Variants in SLC24A2 observed in about 807,000 individuals in gnomAD.
SLC24A2 encodes sodium/potassium/calcium exchanger 2.
In SLC24A2, 36 loss-of-function variants were observed where a neutral mutation model predicts 62.0. That is an observed-to-expected ratio of 0.58 (90% CI 0.44 to 0.77). The LOEUF (loss-of-function observed/expected upper bound fraction) is 0.77, where lower values mean the gene tolerates loss of function less well. Among genes scored for constraint, SLC24A2 ranks in the 30% least tolerant of loss-of-function variants. The pLI, the probability that SLC24A2 is intolerant of heterozygous loss-of-function variation, is 0.00. For missense variants in SLC24A2, 846 were observed against 817.9 expected, an observed-to-expected ratio of 1.03 and a Z score of -0.42; for synonymous variants, 358 against 294.0, an observed-to-expected ratio of 1.22 and a Z score of -2.23.
the SLC24A2 span, among the ~76,000 whole-genome samples, chr9:20,011,942 T>C: frequency 3.3e-5 from 5 of 152,184 alleles, no homozygotes; most frequent in Non-Finnish European, 7.4e-5. Flanking sequence ...ATAAAAATCA[T>C]ATGATCACCT....
At chr9:20,080,214 T>C in the SLC24A2 span, among the ~76,000 whole-genome samples, 1 of 152,256 alleles carries the variant, frequency 6.6e-6, no homozygotes, top group Non-Finnish European at 1.5e-5. Context: ...TCAGGCTACC[T>C]GACTTCAAAC....
the SLC24A2 span, among the ~76,000 whole-genome samples, chr9:20,067,099 A>C: frequency 6.6e-6 from 1 of 152,216 alleles, no homozygotes. Context: ...TCTTTTTATT[A>C]AACAGATGTT....
At chr9:20,053,454 C>T in the SLC24A2 span, among the ~76,000 whole-genome samples, 1 of 152,146 alleles carries the variant, frequency 6.6e-6, no homozygotes, top group East Asian at 1.9e-4. Context: ...CTCTGTTTTA[C>T]TTTATTTCCT....
chr9:19,897,713 T>A, the SLC24A2 span, among the ~76,000 whole-genome samples: 4 of 152,176 alleles, frequency 2.6e-5, no homozygotes, highest in Admixed American at 2.6e-4. Context: ...AATAACCCCA[T>A]GAGGTAGGTA....
chr9:19,851,018 TATATACA>T, the SLC24A2 span, among the ~76,000 whole-genome samples: 6 of 73,290 alleles, frequency 8.2e-5, 1 homozygote, highest in Non-Finnish European at 1.4e-4. Context: ...CATATATATA[TATATACA>T]TATTTTTTTT....
intron 2 of SLC24A2, among the ~76,000 whole-genome samples, chr9:19,678,784 T>C (rs557653428): frequency 3.3e-5 from 5 of 152,350 alleles, no homozygotes; most frequent in Admixed American, 3.3e-4. Flanking sequence ...AGACTGCCTA[T>C]CTGAGAGACA....
the SLC24A2 span, among the ~76,000 whole-genome samples, chr9:19,991,300 C>T: frequency 2.6e-5 from 4 of 152,020 alleles, no homozygotes; most frequent in African/African-American, 9.7e-5. Context: ...GTCTGATGTT[C>T]GAGGGCAGGA....
At chr9:20,119,527 G>A in the SLC24A2 span, among the ~76,000 whole-genome samples, 48 of 152,038 alleles carry the variant, frequency 3.2e-4, no homozygotes, top group Non-Finnish European at 5.0e-4. Context: ...CTCAATACCT[G>A]CAGGAAAAAA....
chr9:19,904,414 T>G, the SLC24A2 span, among the ~76,000 whole-genome samples: 1 of 152,264 alleles, frequency 6.6e-6, no homozygotes, highest in East Asian at 1.9e-4. Context: ...GACCAAGAAT[T>G]ATACAGAGAC....
At chr9:20,085,814 T>C in the SLC24A2 span, among the ~76,000 whole-genome samples, 1 of 152,236 alleles carries the variant, frequency 6.6e-6, no homozygotes, top group Non-Finnish European at 1.5e-5. Context: ...CATCAAACAA[T>C]GCTCATTAGT....
At chr9:19,620,378 A>C (rs903751604) in intron 3 of SLC24A2, among the ~76,000 whole-genome samples, 2 of 152,158 alleles carry the variant, frequency 1.3e-5, no homozygotes, top group African/African-American at 4.8e-5. Context: ...CTGGGACTAC[A>C]GCTCTAATCC....
chr9:19,683,199 G>A (rs940659226), intron 2 of SLC24A2, among the ~76,000 whole-genome samples: 2 of 152,076 alleles, frequency 1.3e-5, no homozygotes, highest in Non-Finnish European at 2.9e-5. Context: ...AGTGCGGCGA[G>A]GTAAAACTCT....
the SLC24A2 span, among the ~76,000 whole-genome samples, chr9:20,034,672 G>T: frequency 6.6e-6 from 1 of 151,972 alleles, no homozygotes; most frequent in Non-Finnish European, 1.5e-5. Flanking sequence ...GTTTCACCGT[G>T]TTAGCCAGGA....
At chr9:19,602,692 A>C (rs577170825) in intron 4 of SLC24A2, among the ~76,000 whole-genome samples, 1 of 152,244 alleles carries the variant, frequency 6.6e-6, no homozygotes, top group South Asian at 2.1e-4. Context: ...GGGGTCCAAC[A>C]ATCCTGGGTT....
At chr9:20,263,539 T>C in the SLC24A2 span, among the ~76,000 whole-genome samples, 1 of 152,166 alleles carries the variant, frequency 6.6e-6, no homozygotes, top group African/African-American at 2.4e-5. Context: ...CAGGAACCAC[T>C]GCATCCATCA....
the SLC24A2 span, among the ~76,000 whole-genome samples, chr9:20,126,594 A>C: frequency 6.6e-6 from 1 of 152,158 alleles, no homozygotes; most frequent in Non-Finnish European, 1.5e-5. Flanking sequence ...TTTTTCTTTC[A>C]TCCTTACCCC....
intron 2 of SLC24A2, among the ~76,000 whole-genome samples, chr9:19,740,008 T>C (rs1821625037): frequency 6.6e-6 from 1 of 152,148 alleles, no homozygotes; most frequent in South Asian, 2.1e-4. Context: ...GAAAATGTGC[T>C]CATCAAGGGC....
chr9:20,110,468 T>C, the SLC24A2 span, among the ~76,000 whole-genome samples: 1 of 151,424 alleles, frequency 6.6e-6, no homozygotes, highest in African/African-American at 2.4e-5. Context: ...CTTTTTTTTT[T>C]CACTCTTACA....
intron 2 of SLC24A2, among the ~76,000 whole-genome samples, chr9:19,751,227 C>T (rs188631079): frequency 2.0e-5 from 3 of 152,268 alleles, no homozygotes; most frequent in Admixed American, 1.3e-4. Flanking sequence ...TCTGGGGGCT[C>T]TTTATCCATC....
Sources: gnomAD v4.1 joint callset for allele counts (sites outside exome capture counted in the v4.1 genomes callset) on GRCh38, gnomAD v4.1.1 for gene constraint, MANE v1.5 for transcripts, NCBI Gene and HGNC (gene_info 2026-07-23, HGNC 2026-07-21) for gene names.